GALNTL6: variants seen among roughly 807,000 people sequenced by gnomAD.
GALNTL6 encodes the protein polypeptide N-acetylgalactosaminyltransferase-like 6.
A neutral mutation model predicts 73.7 loss-of-function variants in GALNTL6; 46 were observed. The observed-to-expected ratio is 0.62, with a 90% CI of 0.49 to 0.80. The LOEUF (loss-of-function observed/expected upper bound fraction) is 0.80. Among genes scored for constraint, GALNTL6 ranks in the 30% least tolerant of loss-of-function variants. The pLI, the probability that GALNTL6 is intolerant of heterozygous loss-of-function variation, is 0.00. For missense variants in GALNTL6, 604 were observed against 755.0 expected (o/e 0.80, Z 2.34); for synonymous variants, 259 against 263.7 (o/e 0.98, Z 0.17).
In GALNTL6 at chr4:172,965,618, TA is replaced by T. The variant is rs201329280; in HGVS notation, c.1371+13373del. ...TAAAATAAAAATTAAAAGTAAAAAT[TA>T]AAAAAAAAAAAACAATTTTAATTCC... On this transcript the variant is annotated intron_variant, in intron 10 of 12. Coordinates refer to ENST00000506823, the MANE Select transcript of GALNTL6 (RefSeq NM_001034845.3). Among the ~76,000 whole-genome samples, 315 of 138,636 alleles carry T rather than the reference TA, an allele frequency of 2.3e-3. 1 individual carries two copies. Among genetic ancestry groups the T allele is most frequent in the African/African-American group, 3.4e-3 (128 of 37,992 alleles). 91.0% of individuals were successfully genotyped at this position (138,636 alleles called of 152,430 possible).
At chr4:172,585,546 G>A (rs1164125251) in intron 5 of GALNTL6, among the ~76,000 whole-genome samples, 1 of 152,096 alleles carries the variant, frequency 6.6e-6, no homozygotes, top group Non-Finnish European at 1.5e-5. Context: ...TGAGAATGAT[G>A]GTTTCCAGCT....
intron 5 of GALNTL6, among the ~76,000 whole-genome samples, chr4:172,397,953 A>C (rs573472171): frequency 4.0e-4 from 60 of 151,328 alleles, no homozygotes; most frequent in Non-Finnish European, 8.0e-4. Context: ...CTTTTTTTTT[A>C]CTTTTGGATT....
chr4:172,462,909 CA>C, intron 5 of GALNTL6, among the ~76,000 whole-genome samples: 1 of 152,256 alleles, frequency 6.6e-6, no homozygotes, highest in Non-Finnish European at 1.5e-5. Flanking sequence ...CAAGACAATC[CA>C]GAAAAGTGTG....
chr4:171,901,922 C>T (rs950802438), intron 2 of GALNTL6, among the ~76,000 whole-genome samples: 1 of 151,956 alleles, frequency 6.6e-6, no homozygotes. Context: ...CTGAGGGAAA[C>T]AAATCCAGAT....
chr4:172,045,801 C>T (rs1029672299), intron 2 of GALNTL6, among the ~76,000 whole-genome samples: 2 of 151,698 alleles, frequency 1.3e-5, no homozygotes, highest in African/African-American at 2.4e-5. Context: ...AAACAAATTC[C>T]TCCCATGTAA....
chr4:172,758,712 G>A (rs1737895273), intron 5 of GALNTL6, among the ~76,000 whole-genome samples: 1 of 152,188 alleles, frequency 6.6e-6, no homozygotes, highest in East Asian at 1.9e-4. Flanking sequence ...ACCACTCTGA[G>A]TAGCATGTCA....
intron 2 of GALNTL6, among the ~76,000 whole-genome samples, chr4:171,935,069 CTT>C (rs956618189): frequency 3.3e-5 from 5 of 151,894 alleles, no homozygotes; most frequent in Non-Finnish European, 7.4e-5. Context: ...AACTGTATCA[CTT>C]TTTTTTGCAG....
intron 5 of GALNTL6, among the ~76,000 whole-genome samples, chr4:172,620,705 C>G (rs549778533): frequency 5.3e-5 from 8 of 152,140 alleles, no homozygotes; most frequent in Middle Eastern, 3.2e-3. Context: ...TTAAAGACTT[C>G]GAGTGTTGCA....
At chr4:172,200,515 A>G (rs192365223) in intron 2 of GALNTL6, among the ~76,000 whole-genome samples, 1 of 152,320 alleles carries the variant, frequency 6.6e-6, no homozygotes, top group Admixed American at 6.5e-5. Flanking sequence ...ACCAGAAAAT[A>G]TTGCCTGCAT....
chr4:172,734,225 G>A (rs1033339434), intron 5 of GALNTL6, among the ~76,000 whole-genome samples: 1 of 152,176 alleles, frequency 6.6e-6, no homozygotes, highest in African/African-American at 2.4e-5. Context: ...GGAGGCAGAC[G>A]ATAAAAGTTT....
chr4:172,642,818 A>G (rs555918364), intron 5 of GALNTL6, among the ~76,000 whole-genome samples: 1 of 152,064 alleles, frequency 6.6e-6, no homozygotes, highest in South Asian at 2.1e-4. Context: ...CATTATATAC[A>G]CCATAAATAT....
rs189380110 is a variant in GALNTL6 at position 172,403,309 on chromosome 4, A to T, written c.553+54620A>T. 1.7e-4 allele frequency among the ~76,000 whole-genome samples: 26 copies of T among 152,144 alleles called. No homozygotes were observed. In the East Asian group the frequency reaches 3.9e-3, roughly 23 times the overall value. On this transcript the variant is annotated intron_variant, in intron 5 of 12. Transcript: ENST00000506823. ...TGAAATTTTAGCAAAGAGTTATATA[A>T]CCCATACATCTTATTCATAGTTGTT...
intron 10 of GALNTL6, among the ~76,000 whole-genome samples, chr4:172,979,546 C>T (rs1208656175): frequency 6.6e-6 from 1 of 152,208 alleles, no homozygotes. Context: ...GCAAGAGCCT[C>T]CTACTTTTCA....
rs4048464 is a variant in GALNTL6 at position 172,443,121 on chromosome 4, CATATATATATAT to C, written c.553+94463_553+94474del. 5.8e-3 allele frequency among the ~76,000 whole-genome samples: 300 copies of C among 52,020 alleles called. 2 individuals are homozygous for C. The East Asian group carries it at 0.075, about 13-fold the overall frequency. The allele number at this position is 52,020 out of a possible 152,430, so 34.1% of individuals were successfully genotyped here. A position where few individuals can be genotyped will look rare whatever the true frequency, so the allele number is the denominator to read the frequency against. On this transcript the variant is annotated intron_variant, in intron 5 of 12. Coordinates refer to ENST00000506823, the MANE Select transcript of GALNTL6 (RefSeq NM_001034845.3). ...GAAATCACCAGTAATGATCCATATA[CATATATATATAT>C]ATATATATATATATATATATATATA...
At chr4:172,849,841 G>T (rs900208941) in intron 7 of GALNTL6, among the ~76,000 whole-genome samples, 24 of 152,116 alleles carry the variant, frequency 1.6e-4, no homozygotes, top group African/African-American at 5.8e-4. Flanking sequence ...AGAAAAACAG[G>T]TTAGGTACAG....
chr4:172,411,675 A>G (rs1744441937), intron 5 of GALNTL6, among the ~76,000 whole-genome samples: 2 of 151,632 alleles, frequency 1.3e-5, no homozygotes, highest in Admixed American at 1.3e-4. Flanking sequence ...AGCCTCTTCC[A>G]GTTGTCCTAA....
intron 4 of GALNTL6, among the ~76,000 whole-genome samples, chr4:172,346,300 A>G (rs1464139814): frequency 1.3e-5 from 2 of 152,260 alleles, no homozygotes; most frequent in African/African-American, 2.4e-5. Flanking sequence ...TCAACAGTAC[A>G]TGGTCAAAAT....
chr4:172,361,961 G>A (rs1015356549), intron 5 of GALNTL6, among the ~76,000 whole-genome samples: 1 of 152,120 alleles, frequency 6.6e-6, no homozygotes, highest in South Asian at 2.1e-4. Context: ...TACAAAGTAA[G>A]CACTCAATAA....
chr4:172,651,055 A>G (rs1460218116), intron 5 of GALNTL6, among the ~76,000 whole-genome samples: 1 of 152,200 alleles, frequency 6.6e-6, no homozygotes, highest in African/African-American at 2.4e-5. Context: ...CTGATGAAAG[A>G]CTTTTACTTG....
Sources: allele counts gnomAD v4.1 joint callset (sites outside exome capture counted in the v4.1 genomes callset), GRCh38; gene constraint gnomAD v4.1.1; transcripts MANE v1.5; gene names NCBI Gene and HGNC (gene_info 2026-07-23, HGNC 2026-07-21).